KCNH1: variants seen among roughly 807,000 people sequenced by gnomAD.
KCNH1 encodes voltage-gated delayed rectifier potassium channel KCNH1.
A neutral mutation model predicts 69.2 loss-of-function variants in KCNH1; 27 were observed. The observed-to-expected ratio is 0.39, with a 90% CI of 0.29 to 0.54. KCNH1 has a LOEUF of 0.54. Among genes scored for constraint, KCNH1 ranks in the 20% least tolerant of loss-of-function variants. The probability of loss-of-function intolerance (pLI) is 0.68; values close to 1 mark genes in which losing one functional copy is unlikely to be tolerated. For missense variants in KCNH1, 798 were observed against 1,261.6 expected (o/e 0.63, Z 5.57); for synonymous variants, 456 against 487.7 (o/e 0.93, Z 0.86).
chr1:210,969,294 A>C (rs77060613), intron 6 of KCNH1, among the ~76,000 whole-genome samples: 2,472 of 152,158 alleles, frequency 0.016, 26 homozygotes, highest in Non-Finnish European at 0.028. Flanking sequence ...TGAATTGAGA[A>C]TATTCCTTCT....
At position 211,128,855 on chromosome 1, in the gene KCNH1, C is replaced by A. The variant is rs1691829499; in HGVS notation, c.79+5012G>T. ...TATAAGAAGACAGATTTTGGTAAGACCAAATGACAGCAACAAAGGGAGGAG... is the reference window on the plus strand; with the variant it reads ...TATAAGAAGACAGATTTTGGTAAGAACAAATGACAGCAACAAAGGGAGGAG... On this transcript the variant is annotated intron_variant, in intron 1 of 10. Coordinates refer to ENST00000271751, the MANE Select transcript of KCNH1 (RefSeq NM_172362.3). Among the ~76,000 whole-genome samples the A allele has an allele frequency of 2.0e-5, 3 of 151,688 alleles. No homozygotes were observed. The South Asian group carries it at 6.3e-4, about 32-fold the overall frequency.
chr1:211,120,840 G>C (rs1691671590), intron 1 of KCNH1, among the ~76,000 whole-genome samples: 1 of 152,034 alleles, frequency 6.6e-6, no homozygotes, highest in Non-Finnish European at 1.5e-5. Flanking sequence ...AAAGTCTCAG[G>C]ATACAAAATC....
chr1:210,692,897 C>T (rs868184735), intron 10 of KCNH1, among the ~76,000 whole-genome samples: 3 of 152,172 alleles, frequency 2.0e-5, no homozygotes, highest in Non-Finnish European at 2.9e-5. Context: ...TTTAAGCCAC[C>T]AAGTCTGTGG....
chr1:211,089,328 A>C (rs755268837), intron 4 of KCNH1, among the ~76,000 whole-genome samples: 2 of 152,220 alleles, frequency 1.3e-5, no homozygotes, highest in Non-Finnish European at 2.9e-5. Context: ...GGCAATCATG[A>C]ATCTGTAAGA....
chr1:211,083,251 A>G (rs1300222276), intron 4 of KCNH1, among the ~76,000 whole-genome samples: 1 of 152,218 alleles, frequency 6.6e-6, no homozygotes, highest in Non-Finnish European at 1.5e-5. Flanking sequence ...AGAAGATAAT[A>G]TCGGGTAATT....
At chr1:210,816,460 A>G (rs75091751) in intron 7 of KCNH1, among the ~76,000 whole-genome samples, 16,179 of 152,314 alleles carry the variant, frequency 0.11, 1,156 homozygotes, top group Non-Finnish European at 0.16. Context: ...AGCAATTTCC[A>G]TAGGCAATTA....
At chr1:210,730,167 C>G (rs1271094762) in intron 10 of KCNH1, among the ~76,000 whole-genome samples, 5 of 152,130 alleles carry the variant, frequency 3.3e-5, no homozygotes, top group Non-Finnish European at 7.3e-5. Context: ...GTGCCTGGCC[C>G]ACAGTAAATG....
At position 211,042,705 on chromosome 1, in the gene KCNH1, A is replaced by T. The variant is rs531345511; in HGVS notation, c.559-23449T>A. On this transcript the variant is annotated intron_variant, in intron 5 of 10. Transcript: ENST00000271751. ...GCACATGGAACTTTCTCCAAGATAGACCATATGATAGGCCACAAAAACAAG... is the reference window on the plus strand; with the variant it reads ...GCACATGGAACTTTCTCCAAGATAGTCCATATGATAGGCCACAAAAACAAG... 1.2e-3 allele frequency among the ~76,000 whole-genome samples: 190 copies of T among 152,332 alleles called. 1 individual carries two copies. The highest frequency in any genetic ancestry group is 4.3e-3 in the African/African-American group (180 of 41,574).
intron 6 of KCNH1, among the ~76,000 whole-genome samples, chr1:210,978,148 CCT>C (rs896914395): frequency 3.9e-5 from 6 of 152,000 alleles, no homozygotes; most frequent in South Asian, 2.1e-4. Flanking sequence ...ACGCCATTCC[CCT>C]GTCTCAGCCT....
At chr1:210,711,357 T>G (rs9430044) in intron 10 of KCNH1, among the ~76,000 whole-genome samples, 35,879 of 152,124 alleles carry the variant, frequency 0.24, 8,455 homozygotes, top group African/African-American at 0.6. Context: ...CCAAGCCAGG[T>G]TCTCCTTCAT....
At chr1:210,880,294 G>A (rs1455122572) in intron 7 of KCNH1, among the ~76,000 whole-genome samples, 2 of 152,100 alleles carry the variant, frequency 1.3e-5, no homozygotes, top group East Asian at 3.9e-4. Flanking sequence ...TAACATTGAA[G>A]GAGAAGAACA....
rs920352770 is a variant in KCNH1 at position 210,678,438 on chromosome 1, A to G, written c.*4843T>C. 3.9e-5 allele frequency: 6 copies of G among 152,228 alleles called. No homozygotes were observed. Among genetic ancestry groups the G allele is most frequent in the Non-Finnish European group, 7.3e-5 (5 of 68,042 alleles). The allele number at this position is 152,228 out of a possible 1,614,324, so 9.4% of individuals were successfully genotyped here. On this transcript the variant is annotated 3_prime_UTR_variant, in exon 11 of 11. Coordinates refer to ENST00000271751, the MANE Select transcript of KCNH1 (RefSeq NM_172362.3). ...ATGGAAGGGCCTGCACGTTCCTCTT[A>G]ACATTCCCAAGCCACAGATATACAG...
At chr1:211,000,377 A>G (rs1689150711) in intron 6 of KCNH1, among the ~76,000 whole-genome samples, 1 of 152,226 alleles carries the variant, frequency 6.6e-6, no homozygotes, top group Non-Finnish European at 1.5e-5. Flanking sequence ...TAACAGACAA[A>G]CAGAGAGCCG....
chr1:211,099,049 A>T (rs1177019745), intron 3 of KCNH1, among the ~76,000 whole-genome samples: 1 of 152,218 alleles, frequency 6.6e-6, no homozygotes, highest in Non-Finnish European at 1.5e-5. Flanking sequence ...TTACCTCAGC[A>T]TTCTTTTTAA....
intron 7 of KCNH1, among the ~76,000 whole-genome samples, chr1:210,837,752 T>C (rs963050135): frequency 2.8e-4 from 43 of 152,272 alleles, no homozygotes; most frequent in African/African-American, 9.6e-4. Context: ...ACTTAGCACC[T>C]AGATGCCTCA....
intron 5 of KCNH1, 68 bp from the exon 6 acceptor site, chr1:211,019,324 C>T: frequency 1.0e-6 from 1 of 992,898 alleles, no homozygotes; most frequent in East Asian, 2.4e-5. Flanking sequence ...AACCAGTCAG[C>T]ATCAGTGATT....
intron 7 of KCNH1, among the ~76,000 whole-genome samples, chr1:210,849,273 C>T (rs1685629938): frequency 6.6e-6 from 1 of 152,044 alleles, no homozygotes; most frequent in Non-Finnish European, 1.5e-5. Flanking sequence ...ATTACCATTG[C>T]CTCCTTGGAG....
chr1:210,709,855 G>A lies in KCNH1; in HGVS notation c.2113-25717C>T, dbSNP rs147629422. The stretch of plus-strand genomic sequence containing the variant: ...ATACAGTGCTGGGGAGATACTATTC[G>A]TCTGTACCGTTGAGTCTTGGGAAAA... On this transcript the variant is annotated intron_variant, in intron 10 of 10. Coordinates refer to ENST00000271751, the MANE Select transcript of KCNH1 (RefSeq NM_172362.3). Among the ~76,000 whole-genome samples, 542 of 152,258 alleles carry A rather than the reference G, an allele frequency of 3.6e-3. 7 individuals are homozygous for A. The highest frequency in any genetic ancestry group is 0.013 in the African/African-American group (524 of 41,548).
intron 7 of KCNH1, among the ~76,000 whole-genome samples, chr1:210,849,870 T>C (rs1685645877): frequency 6.6e-6 from 1 of 151,996 alleles, no homozygotes; most frequent in African/African-American, 2.4e-5. Context: ...TGTAAGTCCA[T>C]GGAGCACATG....
Sources: gnomAD v4.1 joint callset for allele counts (sites outside exome capture counted in the v4.1 genomes callset) on GRCh38, gnomAD v4.1.1 for gene constraint, MANE v1.5 for transcripts, NCBI Gene and HGNC (gene_info 2026-07-23, HGNC 2026-07-21) for gene names.